The following QTGAL variants were observed in gnomAD, a reference collection of about 807,000 sequenced individuals.
QTGAL encodes BGnT-like protein 1.
At chr17:83,004,849 G>T in the QTGAL span, among the ~76,000 whole-genome samples, 1 of 151,704 alleles carries the variant, frequency 6.6e-6, no homozygotes, top group Non-Finnish European at 1.5e-5. Context: ...CCCGCCCTCC[G>T]CGTGTAAGTG....
the QTGAL span, among the ~76,000 whole-genome samples, chr17:83,046,839 A>G: frequency 1.3e-5 from 2 of 152,262 alleles, no homozygotes; most frequent in Admixed American, 6.5e-5. Flanking sequence ...CTGCCTGACA[A>G]ACAGACACAC....
the QTGAL span, among the ~76,000 whole-genome samples, chr17:82,970,646 G>GGCGTGGCCGCGACCTCCCCACCCA: frequency 9.7e-5 from 4 of 41,282 alleles, 1 homozygote; most frequent in East Asian, 3.6e-3. Flanking sequence ...CTCCGCACCC[G>GGCGTGGCCGCGACCTCCCCACCCA]GTGTGGCCGC....
At chr17:82,997,964 T>C in the QTGAL span, among the ~76,000 whole-genome samples, 56 of 148,854 alleles carry the variant, frequency 3.8e-4, no homozygotes, top group African/African-American at 1.3e-3. Flanking sequence ...TCTATCTAGA[T>C]CTATCTATCT....
chr17:83,033,190 T>C, the QTGAL span, among the ~76,000 whole-genome samples: 1 of 152,240 alleles, frequency 6.6e-6, no homozygotes, highest in South Asian at 2.1e-4. Flanking sequence ...CTACCTGTTA[T>C]TCAGTCATTT....
the QTGAL span, chr17:82,956,712 CGAA>C: frequency 1.3e-6 from 2 of 1,586,088 alleles, no homozygotes; most frequent in Non-Finnish European, 1.7e-6. The surrounding 1 kb of genome is among the most constrained non-coding windows in gnomAD (Gnocchi z 5.7). Context: ...ACGCAGATGA[CGAA>C]GGGTGGCCGG....
chr17:83,031,159 C>T, the QTGAL span, among the ~76,000 whole-genome samples: 1 of 152,220 alleles, frequency 6.6e-6, no homozygotes, highest in Non-Finnish European at 1.5e-5. Context: ...GAGACGAGAA[C>T]ACAGCAGTGT....
chr17:83,005,793 C>T, the QTGAL span: 21 of 1,051,366 alleles, frequency 2.0e-5, no homozygotes, highest in South Asian at 5.0e-5. The surrounding 1 kb of genome is among the most constrained non-coding windows in gnomAD (Gnocchi z 5.6). Flanking sequence ...GACCCCCTCC[C>T]GGGCCCTGCA....
chr17:82,961,235 C>T, the QTGAL span: 1 of 1,573,058 alleles, frequency 6.4e-7, no homozygotes, highest in Non-Finnish European at 8.6e-7. Context: ...CGCGTGCCTG[C>T]CCCGGATGCA....
At chr17:83,002,550 C>T in the QTGAL span, among the ~76,000 whole-genome samples, 1 of 152,200 alleles carries the variant, frequency 6.6e-6, no homozygotes, top group East Asian at 1.9e-4. Context: ...GCTGTCATGA[C>T]ATGACCACAA....
At chr17:83,013,704 C>T in the QTGAL span, among the ~76,000 whole-genome samples, 8 of 152,034 alleles carry the variant, frequency 5.3e-5, no homozygotes, top group Non-Finnish European at 1.0e-4. Flanking sequence ...ACGCACAGCC[C>T]CGCGGGGGGA....
At chr17:82,972,261 T>C in the QTGAL span, among the ~76,000 whole-genome samples, 29 of 93,640 alleles carry the variant, frequency 3.1e-4, no homozygotes, top group African/African-American at 1.1e-3. Context: ...GACCCGGTAC[T>C]GACCACACCA....
At chr17:82,969,228 C>G in the QTGAL span, among the ~76,000 whole-genome samples, 1 of 152,012 alleles carries the variant, frequency 6.6e-6, no homozygotes, top group East Asian at 1.9e-4. Flanking sequence ...GGCGCGATCT[C>G]AGCTCACTGC....
chr17:83,051,374 G>A, the QTGAL span, among the ~76,000 whole-genome samples: 1 of 152,008 alleles, frequency 6.6e-6, no homozygotes. Context: ...CAGGTGCGCC[G>A]TTCCTCCACC....
the QTGAL span, among the ~76,000 whole-genome samples, chr17:83,030,568 G>C: frequency 2.0e-5 from 3 of 152,236 alleles, no homozygotes; most frequent in Non-Finnish European, 4.4e-5. Flanking sequence ...CTGTCCCCTC[G>C]GTTCAAGGAT....
chr17:82,997,952 T>G, the QTGAL span, among the ~76,000 whole-genome samples: 3 of 148,896 alleles, frequency 2.0e-5, no homozygotes, highest in Non-Finnish European at 4.5e-5. Flanking sequence ...TATATATCTA[T>G]ATCTATCTAG....
At chr17:82,961,080 CT>C in the QTGAL span, 1 of 1,610,258 alleles carries the variant, frequency 6.2e-7, no homozygotes, top group Non-Finnish European at 8.5e-7. Flanking sequence ...GCGTGGCCGC[CT>C]GTGGGTGGTG....
the QTGAL span, among the ~76,000 whole-genome samples, chr17:82,976,064 G>A: frequency 1.5e-4 from 12 of 78,188 alleles, no homozygotes; most frequent in East Asian, 4.3e-4. Context: ...CCCAGGGGCT[G>A]GAGGCCACTT....
the QTGAL span, among the ~76,000 whole-genome samples, chr17:83,027,731 C>G: frequency 6.7e-6 from 1 of 148,666 alleles, no homozygotes; most frequent in Admixed American, 6.7e-5. Flanking sequence ...AAAAGCAAGC[C>G]ACTTACAGGG....
chr17:83,017,212 G>C, the QTGAL span, among the ~76,000 whole-genome samples: 1 of 76,762 alleles, frequency 1.3e-5, no homozygotes, highest in African/African-American at 7.8e-5. Flanking sequence ...GAGGAGGAAG[G>C]GGGGTTGGTT....
Sources: gnomAD v4.1 joint callset for allele counts (sites outside exome capture counted in the v4.1 genomes callset) on GRCh38, gnomAD v4.1.1 for gene constraint, Gnocchi (gnomAD v3.1) non-coding constraint, MANE v1.5 for transcripts, NCBI Gene and HGNC (gene_info 2026-07-23, HGNC 2026-07-21) for gene names.